SLC22A15: variants seen among roughly 807,000 people sequenced by gnomAD.
SLC22A15 encodes the protein flipt 1.
SLC22A15 carries 45 observed loss-of-function variants against 62.7 expected under a neutral mutation model. The ratio of observed to expected loss-of-function variants is 0.72; its 90% CI spans 0.56 to 0.92. The LOEUF (loss-of-function observed/expected upper bound fraction) is 0.92, where lower values mean the gene tolerates loss of function less well. SLC22A15 is among the 40% of genes least tolerant of loss of function. The probability of loss-of-function intolerance (pLI) is 0.00; values close to 1 mark genes in which losing one functional copy is unlikely to be tolerated. For missense variants in SLC22A15, 622 were observed against 665.6 expected (o/e 0.93, Z 0.72); for synonymous variants, 264 against 267.0 (o/e 0.99, Z 0.11).
chr1:116,069,811 A>G lies in SLC22A15; in HGVS notation c.*2703A>G, dbSNP rs906449113. 2.6e-5 allele frequency: 4 copies of G among 152,316 alleles called. No homozygotes were observed. The South Asian group carries it at 8.3e-4, about 32-fold the overall frequency. 9.4% of individuals were successfully genotyped at this position (152,316 alleles called of 1,614,324 possible). A position where few individuals can be genotyped will look rare whatever the true frequency, so the allele number is the denominator to read the frequency against. On this transcript the variant is annotated 3_prime_UTR_variant, in exon 12 of 12. Coordinates refer to ENST00000369503, the MANE Select transcript of SLC22A15 (RefSeq NM_018420.3). ...AACCATAAATCAGACAGATATTTTTATGGTGGGCAAATTGATGAAGATACT... is the reference window on the plus strand; with the variant it reads ...AACCATAAATCAGACAGATATTTTTGTGGTGGGCAAATTGATGAAGATACT...
chr1:116,025,149 G>A (rs1657028025), intron 4 of SLC22A15, among the ~76,000 whole-genome samples: 1 of 152,102 alleles, frequency 6.6e-6, no homozygotes, highest in African/African-American at 2.4e-5. Context: ...TTTGCCTAAG[G>A]TCAGAGTAGT....
Position 116,026,935 on chromosome 1 carries a change from A to G in SLC22A15, c.641A>G (p.Tyr214Cys). ...TTCTTTGCAGTTGGCATTGCCCAAT[A>G]TGCCCTGTTAGGATACTTCATCCGC... The part of the protein sequence containing the change: ...GLFFAVGIAQ[Y>C]ALLGYFIRSW... Residue 214 changes from tyrosine (Y) to cysteine (C), a missense_variant, in exon 5 of 12, where the codon TAT becomes TGT. Coordinates refer to ENST00000369503, the MANE Select transcript of SLC22A15 (RefSeq NM_018420.3). The G allele has an allele frequency of 6.2e-7, 1 of 1,613,860 alleles. No individual in the cohort carries two copies. Among genetic ancestry groups the G allele is most frequent in the Non-Finnish European group, 8.5e-7 (1 of 1,179,832 alleles).
At chr1:115,988,337 T>G (rs1654978072) in intron 1 of SLC22A15, among the ~76,000 whole-genome samples, 2 of 152,090 alleles carry the variant, frequency 1.3e-5, no homozygotes, top group African/African-American at 4.8e-5. Flanking sequence ...CGAGCGAATA[T>G]TTTTGTTTTT....
chr1:116,064,997 C>G (rs1050129825), intron 10 of SLC22A15, among the ~76,000 whole-genome samples: 7 of 152,080 alleles, frequency 4.6e-5, no homozygotes, highest in African/African-American at 1.7e-4. Context: ...ATGTCTCTCA[C>G]TGTGTCTGTT....
intron 2 of SLC22A15, among the ~76,000 whole-genome samples, chr1:115,994,908 G>T (rs1236757433): frequency 6.6e-6 from 1 of 152,124 alleles, no homozygotes; most frequent in Non-Finnish European, 1.5e-5. Context: ...TTCCTCTCAT[G>T]TATTGAATCC....
At chr1:115,993,436 T>A (rs886440505) in intron 2 of SLC22A15, among the ~76,000 whole-genome samples, 1 of 148,756 alleles carries the variant, frequency 6.7e-6, no homozygotes, top group East Asian at 2.0e-4. Flanking sequence ...AGAGTGTGTG[T>A]GTGTGTGTGT....
Position 116,068,696 on chromosome 1 carries a change from T to C in SLC22A15, c.*1588T>C, listed in dbSNP as rs913403553. 2.6e-5 allele frequency: 4 copies of C among 152,120 alleles called. No individual in the cohort carries two copies. Among genetic ancestry groups the C allele is most frequent in the Admixed American group, 6.6e-5 (1 of 15,256 alleles). The allele number at this position is 152,120 out of a possible 1,614,324, so 9.4% of individuals were successfully genotyped here. A position where few individuals can be genotyped will look rare whatever the true frequency, so the allele number is the denominator to read the frequency against. ...CTAGCCATCAGGGAGATTGTGGAAC[T>C]CCTCCCAGTATAATTTTTACAAACT... On this transcript the variant is annotated 3_prime_UTR_variant, in exon 12 of 12. Transcript: ENST00000369503.
rs546917855 is a variant in SLC22A15, at chr1:116,052,692, A to G, written c.1172-10070A>G. On this transcript the variant is annotated intron_variant, in intron 8 of 11. Transcript: ENST00000369503. ...AGACTGACACCTCACACGGCGGGCT[A>G]CTCCTCTGAGACAAAACTTCCAGAG... 2.6e-4 allele frequency among the ~76,000 whole-genome samples: 39 copies of G among 152,192 alleles called. 1 individual carries two copies. The highest frequency in any genetic ancestry group is 9.2e-4 in the Admixed American group (14 of 15,296).
chr1:116,061,376 A>T (rs1658374852), intron 8 of SLC22A15, among the ~76,000 whole-genome samples: 1 of 152,162 alleles, frequency 6.6e-6, no homozygotes, highest in Non-Finnish European at 1.5e-5. Flanking sequence ...CAAAGGAAGG[A>T]ACGAGAGTGT....
chr1:116,040,693 T>TA (rs2101490536), intron 8 of SLC22A15, among the ~76,000 whole-genome samples: 1 of 152,354 alleles, frequency 6.6e-6, no homozygotes, highest in South Asian at 2.1e-4. Context: ...CATAGCTCAC[T>TA]GCAGCCTTGA....
At chr1:116,005,835 G>C (rs541079623) in intron 2 of SLC22A15, among the ~76,000 whole-genome samples, 1 of 152,134 alleles carries the variant, frequency 6.6e-6, no homozygotes, top group East Asian at 1.9e-4. Context: ...GCAAGGGTGG[G>C]GAGTACCCCT....
chr1:116,008,250 T>G (rs1337721477), intron 2 of SLC22A15, among the ~76,000 whole-genome samples: 2 of 152,154 alleles, frequency 1.3e-5, no homozygotes, highest in Non-Finnish European at 2.9e-5. Flanking sequence ...CCGGTTACTG[T>G]AGGAAGCGCT....
At chr1:116,057,679 T>C (rs549358288) in intron 8 of SLC22A15, among the ~76,000 whole-genome samples, 9 of 151,518 alleles carry the variant, frequency 5.9e-5, no homozygotes, top group Non-Finnish European at 1.2e-4. Context: ...AACGATAGAG[T>C]GGATTAAGAA....
chr1:116,035,430 C>T, intron 7 of SLC22A15, 103 bp downstream of exon 7: 1 of 964,906 alleles, frequency 1.0e-6, no homozygotes, highest in South Asian at 2.5e-5. Flanking sequence ...TCTTTGTATG[C>T]AGTATCAGCT....
intron 6 of SLC22A15, among the ~76,000 whole-genome samples, chr1:116,034,650 A>G (rs1657565461): frequency 6.6e-6 from 1 of 152,150 alleles, no homozygotes; most frequent in Non-Finnish European, 1.5e-5. Context: ...AAAACCTGCA[A>G]TGGGAAGTGT....
chr1:116,031,391 T>C lies in SLC22A15; in HGVS notation c.754T>C (p.Leu252=). The C allele has an allele frequency of 6.2e-7, 1 of 1,613,584 alleles. No individual in the cohort carries two copies. Among genetic ancestry groups the C allele is most frequent in the Non-Finnish European group, 8.5e-7 (1 of 1,179,806 alleles). Residue 252 remains leucine, a synonymous_variant, in exon 6 of 12, where the codon TTA becomes CTA. Coordinates refer to ENST00000369503, the MANE Select transcript of SLC22A15 (RefSeq NM_018420.3). ...SLFIPESPRW[L]YSQGRLSEAE... ...ATTCATTCCTGAATCACCTCGTTGG[T>C]TATACTCCCAGGGTCGACTGAGTGA...
chr1:115,999,483 G>C (rs1014093754), intron 2 of SLC22A15, among the ~76,000 whole-genome samples: 5 of 149,446 alleles, frequency 3.3e-5, no homozygotes. Flanking sequence ...CCAGTGTTGG[G>C]TGCATATATA....
intron 9 of SLC22A15, 115 bp downstream of exon 9, chr1:116,062,997 A>C: frequency 7.4e-7 from 1 of 1,352,826 alleles, no homozygotes; most frequent in Non-Finnish European, 1.0e-6. Context: ...TTGGGGCAGC[A>C]GTAATTCAGC....
At chr1:116,047,379 A>G (rs894473294) in intron 8 of SLC22A15, among the ~76,000 whole-genome samples, 1 of 152,160 alleles carries the variant, frequency 6.6e-6, no homozygotes, top group Non-Finnish European at 1.5e-5. Context: ...ATGAACCAAG[A>G]TCGTGCCACT....
Sources: allele counts gnomAD v4.1 joint callset (sites outside exome capture counted in the v4.1 genomes callset), GRCh38; gene constraint gnomAD v4.1.1; transcripts MANE v1.5; gene names NCBI Gene and HGNC (gene_info 2026-07-23, HGNC 2026-07-21).